Variants in PDE1C observed in about 807,000 individuals in gnomAD.
PDE1C encodes dual specificity calcium/calmodulin-dependent 3',5'-cyclic nucleotide phosphodiesterase 1C.
Under a neutral mutation model 93.1 loss-of-function variants are expected in PDE1C, and 62 were observed. The ratio of observed to expected loss-of-function variants is 0.67; its 90% confidence interval spans 0.54 to 0.82. PDE1C has a LOEUF of 0.82. Ranked by LOEUF, PDE1C falls within the 40% of genes least tolerant of loss-of-function variation. The pLI is 0.00. For synonymous variants in PDE1C, 325 were observed against 310.1 expected (o/e 1.05, Z -0.50); for missense variants, 742 against 884.6 (o/e 0.84, Z 2.04).
chr7:31,623,064 A>C, the PDE1C span, among the ~76,000 whole-genome samples: 338 of 152,352 alleles, frequency 2.2e-3, no homozygotes, highest in Admixed American at 4.1e-3. Flanking sequence ...GAAGAAGTTG[A>C]ATCTCTGAAT....
upstream of PDE1C, among the ~76,000 whole-genome samples, chr7:32,302,292 G>A (rs1812899440): frequency 6.6e-6 from 1 of 152,164 alleles, no homozygotes; most frequent in South Asian, 2.1e-4. Context: ...TTCTAACAAG[G>A]AAGGACTCAG....
At chr7:31,860,135 T>C (rs1227737843) in intron 7 of PDE1C, among the ~76,000 whole-genome samples, 1 of 152,188 alleles carries the variant, frequency 6.6e-6, no homozygotes, top group Non-Finnish European at 1.5e-5. Context: ...CAATTTACCC[T>C]CAGATGAGCA....
the PDE1C span, among the ~76,000 whole-genome samples, chr7:31,647,673 CAAAAAAA>C: frequency 4.3e-5 from 3 of 69,358 alleles, no homozygotes; most frequent in Non-Finnish European, 5.5e-5. Flanking sequence ...GTCTCCGTCT[CAAAAAAA>C]AAAAAAAAAA....
Position 32,119,026 on chromosome 7 carries a change from G to T in PDE1C, c.308+50759C>A, listed in dbSNP as rs577483908. Among the ~76,000 whole-genome samples the T allele has an allele frequency of 3.2e-4, 48 of 152,314 alleles. No homozygotes were observed. The South Asian group carries it at 9.5e-3, about 30-fold the overall frequency. The stretch of plus-strand genomic sequence containing the variant: ...GGAGGGTGCCCAAGGCATGGGGACA[G>T]GGAAGCTGGGAAGCTCAAAGGAACC... On this transcript the variant is annotated intron_variant, in intron 3 of 18. Coordinates refer to the PDE1C transcript ENST00000396193.
chr7:31,719,458 T>C, the PDE1C span, among the ~76,000 whole-genome samples: 1 of 152,232 alleles, frequency 6.6e-6, no homozygotes, highest in Non-Finnish European at 1.5e-5. Flanking sequence ...CCACTGTTTT[T>C]GCAGCGCAGT....
chr7:32,152,896 T>C (rs1317099789), intron 3 of PDE1C, among the ~76,000 whole-genome samples: 1 of 152,182 alleles, frequency 6.6e-6, no homozygotes, highest in Non-Finnish European at 1.5e-5. Context: ...GGCATAGATA[T>C]TAAGACTTCA....
chr7:32,127,343 CCTGA>C (rs1474685800), intron 3 of PDE1C, among the ~76,000 whole-genome samples: 4 of 151,874 alleles, frequency 2.6e-5, no homozygotes, highest in Admixed American at 6.6e-5. Context: ...TCTGGAGAAC[CCTGA>C]CTAATACAGG....
chr7:31,732,629 C>CTCTCCT, the PDE1C span, among the ~76,000 whole-genome samples: 1 of 108,774 alleles, frequency 9.2e-6, no homozygotes, highest in African/African-American at 4.1e-5. Flanking sequence ...CTCTCTCTCT[C>CTCTCCT]CTCTCTTTCT....
chr7:31,918,762 T>C (rs1465726089), intron 2 of PDE1C, among the ~76,000 whole-genome samples: 1 of 152,226 alleles, frequency 6.6e-6, no homozygotes, highest in African/African-American at 2.4e-5. Context: ...ACCTTCGTCA[T>C]TGCCTTGCTG....
intron 1 of PDE1C, among the ~76,000 whole-genome samples, chr7:32,243,217 A>G (rs956567239): frequency 1.3e-5 from 2 of 152,188 alleles, no homozygotes; most frequent in Admixed American, 1.3e-4. Flanking sequence ...ATTTAGGAAA[A>G]TGGTTCAGAG....
chr7:32,018,955 C>T (rs994671339), intron 2 of PDE1C, among the ~76,000 whole-genome samples: 4 of 151,940 alleles, frequency 2.6e-5, no homozygotes, highest in African/African-American at 9.7e-5. Context: ...GAAAAGATCT[C>T]CTACTGTACC....
At chr7:31,767,533 T>C (rs1164127970) in intron 17 of PDE1C, among the ~76,000 whole-genome samples, 1 of 152,220 alleles carries the variant, frequency 6.6e-6, no homozygotes, top group East Asian at 1.9e-4. Flanking sequence ...GCCACTATGC[T>C]TCCTGTACAG....
At chr7:31,970,077 G>T (rs1268223414) in intron 2 of PDE1C, among the ~76,000 whole-genome samples, 1 of 152,066 alleles carries the variant, frequency 6.6e-6, no homozygotes, top group Non-Finnish European at 1.5e-5. Flanking sequence ...CACCAACATG[G>T]CACAGGTATA....
upstream of PDE1C, among the ~76,000 whole-genome samples, chr7:32,303,879 T>C (rs574287017): frequency 2.0e-4 from 31 of 152,230 alleles, no homozygotes; most frequent in African/African-American, 6.3e-4. Context: ...CCCCCAAAGA[T>C]CTCCCCATAA....
chr7:32,279,713 GA>G, intron 1 of PDE1C, among the ~76,000 whole-genome samples: 1 of 152,096 alleles, frequency 6.6e-6, no homozygotes. Flanking sequence ...TGATATGCCA[GA>G]AATAAGAGCA....
chr7:32,018,783 C>T (rs537032569), intron 2 of PDE1C, among the ~76,000 whole-genome samples: 2 of 152,226 alleles, frequency 1.3e-5, no homozygotes, highest in South Asian at 4.1e-4. Flanking sequence ...ATATGAAACA[C>T]TGAACTGTAT....
At chr7:32,165,775 A>T (rs1487729375) in intron 3 of PDE1C, among the ~76,000 whole-genome samples, 1 of 152,216 alleles carries the variant, frequency 6.6e-6, no homozygotes, top group African/African-American at 2.4e-5. Context: ...TGACCTGCTC[A>T]AATTAACATA....
chr7:31,792,545 T>C (rs1784707752), intron 16 of PDE1C, among the ~76,000 whole-genome samples: 2 of 152,088 alleles, frequency 1.3e-5, no homozygotes, highest in Non-Finnish European at 2.9e-5. Flanking sequence ...TGTCAAAATA[T>C]TTACATTCCC....
chr7:31,722,263 C>A, the PDE1C span, among the ~76,000 whole-genome samples: 2 of 152,190 alleles, frequency 1.3e-5, no homozygotes, highest in African/African-American at 4.8e-5. Context: ...CCACTTCATG[C>A]TCAAACACAT....
Sources: gnomAD v4.1 joint callset for allele counts (sites outside exome capture counted in the v4.1 genomes callset) on GRCh38, gnomAD v4.1.1 for gene constraint, MANE v1.5 for transcripts, NCBI Gene and HGNC (gene_info 2026-07-23, HGNC 2026-07-21) for gene names.